Variants in CDYL observed in about 807,000 individuals in gnomAD.
CDYL encodes the protein chromodomain Y like.
In CDYL, 8 loss-of-function variants were observed where a neutral mutation model predicts 47.3. The ratio of observed to expected loss-of-function variants is 0.17; its 90% CI spans 0.10 to 0.31. The LOEUF is 0.31. Ranked by LOEUF, CDYL falls within the 10% of genes least tolerant of loss-of-function variation. The pLI is 1.00. For synonymous variants in CDYL, 266 were observed against 265.0 expected (o/e 1.00, Z -0.04); for missense variants, 471 against 701.4 (o/e 0.67, Z 3.71).
intron 1 of CDYL, among the ~76,000 whole-genome samples, chr6:4,875,038 T>A (rs929455054): frequency 3.3e-5 from 5 of 152,092 alleles, no homozygotes; most frequent in African/African-American, 1.2e-4. Flanking sequence ...AACACAGAAA[T>A]TTCTTTTGGC....
intron 1 of CDYL, among the ~76,000 whole-genome samples, chr6:4,856,326 A>C (rs947955885): frequency 2.0e-5 from 3 of 152,240 alleles, no homozygotes; most frequent in African/African-American, 7.2e-5. Context: ...TCACTGAAAA[A>C]GCGACCTTTC....
At chr6:4,893,849 G>C (rs201382182) in intron 2 of CDYL, among the ~76,000 whole-genome samples, 1 of 152,204 alleles carries the variant, frequency 6.6e-6, no homozygotes, top group African/African-American at 2.4e-5. Flanking sequence ...CATTCTAACC[G>C]TCCTGCTTTG....
intron 1 of CDYL, among the ~76,000 whole-genome samples, chr6:4,824,965 A>G (rs6934189): frequency 0.027 from 4,026 of 151,850 alleles, 181 homozygotes; most frequent in African/African-American, 0.092. Flanking sequence ...CCATCTCCTG[A>G]GTTCAAGCAA....
chr6:4,858,185 G>A (rs1264992356), intron 1 of CDYL, among the ~76,000 whole-genome samples: 3 of 152,030 alleles, frequency 2.0e-5, no homozygotes, highest in East Asian at 3.9e-4. Flanking sequence ...CTTGTCCAGA[G>A]TGAGGCTTTA....
At chr6:4,864,615 G>A (rs1194029487) in intron 1 of CDYL, among the ~76,000 whole-genome samples, 1 of 152,064 alleles carries the variant, frequency 6.6e-6, no homozygotes, top group African/African-American at 2.4e-5. Flanking sequence ...TGAATCATGG[G>A]GCCGGTTTTT....
chr6:4,722,395 G>A (rs1446574962), intron 2 of CDYL, among the ~76,000 whole-genome samples: 2 of 151,708 alleles, frequency 1.3e-5, no homozygotes, highest in Non-Finnish European at 2.9e-5. Context: ...CCTGTCTCAA[G>A]AAAACAAAGA....
At chr6:4,715,021 C>G (rs1385839943) in intron 1 of CDYL, 1 of 152,146 alleles carries the variant, frequency 6.6e-6, no homozygotes, top group East Asian at 1.9e-4. Flanking sequence ...AAAACAAAGT[C>G]CAAAAGGTAT....
chr6:4,812,980 G>A (rs1374249498), intron 1 of CDYL, among the ~76,000 whole-genome samples: 1 of 152,070 alleles, frequency 6.6e-6, no homozygotes, highest in Non-Finnish European at 1.5e-5. Context: ...TAGCTATTAC[G>A]AATAGGATTT....
At chr6:4,915,859 G>A (rs1757541632) in intron 2 of CDYL, among the ~76,000 whole-genome samples, 3 of 152,184 alleles carry the variant, frequency 2.0e-5, no homozygotes. Flanking sequence ...GCTACCTGGA[G>A]ACTTCGTCTG....
chr6:4,895,430 CATGTAT>C lies in CDYL; in HGVS notation c.691+3053_691+3058del, dbSNP rs1762238223. 6.7e-4 allele frequency among the ~76,000 whole-genome samples: 2 copies of C among 2,966 alleles called. 1 individual carries two copies. The highest frequency in any genetic ancestry group is 7.0e-4 in the African/African-American group (2 of 2,842). 1.9% of individuals were successfully genotyped at this position (2,966 alleles called of 152,430 possible). A position where few individuals can be genotyped will look rare whatever the true frequency, so the allele number is the denominator to read the frequency against. ...ATGTATACGTATATATGCATGTATACATGTATACGTATATATGCATATATACATGTA... is the reference window on the plus strand; with the variant it reads ...ATGTATACGTATATATGCATGTATACACGTATATATGCATATATACATGTA... On this transcript the variant is annotated intron_variant, in intron 2 of 6. Transcript: ENST00000397588.
At chr6:4,900,807 A>ATATATATATATATATATATATATG (rs1757018879) in intron 2 of CDYL, among the ~76,000 whole-genome samples, 6 of 87,916 alleles carry the variant, frequency 6.8e-5, no homozygotes, top group African/African-American at 3.0e-4. Flanking sequence ...ATATATATAT[A>ATATATATATATATATATATATATG]TATATATATA....
chr6:4,831,219 A>G (rs143924589), intron 1 of CDYL, among the ~76,000 whole-genome samples: 15,104 of 151,986 alleles, frequency 0.099, 2,493 homozygotes, highest in African/African-American at 0.35. Flanking sequence ...TAGGTCTAAC[A>G]TTTAAGTCTT....
At chr6:4,776,252 C>T (rs1421627836), upstream of CDYL, among the ~76,000 whole-genome samples, 4 of 143,828 alleles carry the variant, frequency 2.8e-5, no homozygotes, top group African/African-American at 5.0e-5. Context: ...GCCTCGGCCC[C>T]GAGCGGAGCC....
intron 1 of CDYL, among the ~76,000 whole-genome samples, chr6:4,785,730 G>A (rs1313010343): frequency 1.3e-5 from 2 of 152,210 alleles, no homozygotes; most frequent in Non-Finnish European, 2.9e-5. Context: ...GGTCTCTCTT[G>A]GAGACTGTTG....
chr6:4,726,613 A>G (rs1271474263), intron 2 of CDYL, among the ~76,000 whole-genome samples: 2 of 150,918 alleles, frequency 1.3e-5, no homozygotes, highest in African/African-American at 2.4e-5. Context: ...AGGCGAGAGG[A>G]TTGCTTGAGC....
intron 1 of CDYL, among the ~76,000 whole-genome samples, chr6:4,848,172 G>C (rs1252575712): frequency 6.6e-6 from 1 of 152,178 alleles, no homozygotes; most frequent in African/African-American, 2.4e-5. Context: ...GCAATGTAAG[G>C]CAGGGTATTT....
At chr6:4,721,290 T>C (rs1178752648) in intron 2 of CDYL, among the ~76,000 whole-genome samples, 1 of 152,200 alleles carries the variant, frequency 6.6e-6, no homozygotes, top group African/African-American at 2.4e-5. Flanking sequence ...AAATTGAATG[T>C]ATTTTGCTAA....
Position 4,943,528 on chromosome 6 carries a change from A to G in CDYL, c.1122-18A>G, listed in dbSNP as rs377263774. 7.7e-5 allele frequency: 119 copies of G among 1,546,452 alleles called. No homozygotes were observed. Among genetic ancestry groups the G allele is most frequent in the Non-Finnish European group, 7.7e-5 (86 of 1,123,204 alleles). The stretch of plus-strand genomic sequence containing the variant: ...TATGCAATGTTTTGAGTAATTCCCC[A>G]TTTATTTTTCATTTTAGAAACTTCG... On this transcript the variant is annotated intron_variant, in intron 4 of 6. Transcript: ENST00000397588.
intron 2 of CDYL, among the ~76,000 whole-genome samples, chr6:4,901,290 C>T (rs1581249889): frequency 6.6e-6 from 1 of 152,126 alleles, no homozygotes; most frequent in East Asian, 1.9e-4. Flanking sequence ...CTTGTCGCTG[C>T]ATGTGCTACT....
Sources: gnomAD v4.1 joint callset for allele counts (sites outside exome capture counted in the v4.1 genomes callset) on GRCh38, gnomAD v4.1.1 for gene constraint, MANE v1.5 for transcripts, NCBI Gene and HGNC (gene_info 2026-07-23, HGNC 2026-07-21) for gene names.